The following REPS1 variants were observed in gnomAD, a reference collection of about 807,000 sequenced individuals.
REPS1 encodes RALBP1 associated Eps domain containing 1, also known as ralBP1-associated Eps domain-containing protein 1.
REPS1 carries 39 observed loss-of-function variants against 100.9 expected under a neutral mutation model. The ratio of observed to expected loss-of-function variants is 0.39; its 90% confidence interval spans 0.30 to 0.50. The LOEUF (loss-of-function observed/expected upper bound fraction) is 0.50. REPS1 is among the 20% of genes least tolerant of loss of function. The pLI, the probability that REPS1 is intolerant of heterozygous loss-of-function variation, is 0.86. For synonymous variants in REPS1, 324 were observed against 340.3 expected (o/e 0.95, Z 0.53); for missense variants, 821 against 968.5 (o/e 0.85, Z 2.02).
At chr6:138,942,792 TCACC>T (rs1259245021) in intron 7 of REPS1, among the ~76,000 whole-genome samples, 5 of 152,132 alleles carry the variant, frequency 3.3e-5, no homozygotes, top group African/African-American at 1.2e-4. Context: ...TCTCGTTCTG[TCACC>T]CTGGCTGGAG....
rs1779535110 is a variant in REPS1 at position 138,904,983 on chromosome 6, G to GCTT, written c.*80_*81insAAG. On this transcript the variant is annotated 3_prime_UTR_variant, in exon 20 of 20. Transcript: ENST00000450536. ...AATTTAATGTTGAGTTAAGCAGTGA[G>GCTT]CTGAATGTCTAGGTCTCCAAATTGG... The GCTT allele has an allele frequency of 1.9e-6, 2 of 1,074,290 alleles. No homozygotes were observed. The highest frequency in any genetic ancestry group is 2.9e-6 in the Non-Finnish European group (2 of 695,242). The allele number at this position is 1,074,290 out of a possible 1,614,324, so 66.5% of individuals were successfully genotyped here. A position where few individuals can be genotyped will look rare whatever the true frequency, so the allele number is the denominator to read the frequency against.
At chr6:138,911,246 AATT>A (rs1166249818) in intron 17 of REPS1, 27 bp downstream of exon 17, 3 of 1,411,264 alleles carry the variant, frequency 2.1e-6, no homozygotes, top group Non-Finnish European at 2.0e-6. Flanking sequence ...TGATGTACAA[AATT>A]ATTATTATAA....
At chr6:138,941,562 A>G (rs1582787107) in intron 7 of REPS1, 73 bp from the exon 8 acceptor site, 2 of 1,425,554 alleles carry the variant, frequency 1.4e-6, no homozygotes, top group Non-Finnish European at 9.7e-7. Context: ...AAGAAGCAAG[A>G]GAAATATTTT....
chr6:138,963,480 C>T (rs1453828353), intron 1 of REPS1, among the ~76,000 whole-genome samples: 2 of 152,160 alleles, frequency 1.3e-5, no homozygotes, highest in African/African-American at 4.8e-5. Flanking sequence ...TGCCCATACC[C>T]TCCTGATTTA....
At chr6:138,947,124 G>T (rs930791396) in intron 2 of REPS1, among the ~76,000 whole-genome samples, 1 of 150,210 alleles carries the variant, frequency 6.7e-6, no homozygotes, top group Non-Finnish European at 1.5e-5. Context: ...GTTCTGCCAC[G>T]ATTGTAGGTT....
At chr6:138,912,126 A>G (rs1780051913) in intron 16 of REPS1, among the ~76,000 whole-genome samples, 1 of 152,204 alleles carries the variant, frequency 6.6e-6, no homozygotes, top group Non-Finnish European at 1.5e-5. Context: ...ATGACCTATA[A>G]GAAAGAGATT....
chr6:138,944,688 T>A, intron 4 of REPS1, 66 bp from the exon 5 acceptor site: 1 of 1,482,870 alleles, frequency 6.7e-7, no homozygotes, highest in Non-Finnish European at 9.2e-7. Flanking sequence ...GAAGTTTTCT[T>A]TCCAACTCTT....
At chr6:138,933,006 T>A (rs958328786) in intron 8 of REPS1, among the ~76,000 whole-genome samples, 43 of 152,210 alleles carry the variant, frequency 2.8e-4, no homozygotes, top group African/African-American at 9.6e-4. Flanking sequence ...GATGTCAACA[T>A]CTGAAAGATC....
chr6:138,976,156 C>G (rs988099523), intron 1 of REPS1, among the ~76,000 whole-genome samples: 5 of 152,142 alleles, frequency 3.3e-5, no homozygotes, highest in Non-Finnish European at 7.3e-5. Context: ...TATGATCCTT[C>G]CAGTCACAAA....
intron 1 of REPS1, among the ~76,000 whole-genome samples, chr6:138,956,275 T>C (rs1783382844): frequency 6.6e-6 from 1 of 151,988 alleles, no homozygotes. Context: ...GAAAACAGAA[T>C]AGTGACTAAT....
intron 1 of REPS1, among the ~76,000 whole-genome samples, chr6:138,982,954 G>A (rs988780116): frequency 3.4e-4 from 51 of 152,072 alleles, no homozygotes; most frequent in Non-Finnish European, 2.6e-4. Context: ...TACTTACTAC[G>A]CAAAGGAGTA....
intron 1 of REPS1, among the ~76,000 whole-genome samples, chr6:138,960,171 C>T (rs1210785741): frequency 6.6e-6 from 1 of 152,172 alleles, no homozygotes; most frequent in African/African-American, 2.4e-5. Flanking sequence ...TAGAAACAAA[C>T]CCCCTTTTGG....
At chr6:138,914,810 G>A in intron 14 of REPS1, 49 bp from the exon 15 acceptor site, 1 of 1,440,742 alleles carries the variant, frequency 6.9e-7, no homozygotes, top group South Asian at 1.2e-5. Context: ...TAATCACTTT[G>A]TTAATAGAAG....
intron 1 of REPS1, chr6:138,951,188 C>CA (rs1309238377): frequency 1.0e-3 from 149 of 143,278 alleles, no homozygotes; most frequent in South Asian, 9.4e-3. Context: ...AACTCCATCT[C>CA]AAAAAAAAAA....
intron 15 of REPS1, among the ~76,000 whole-genome samples, chr6:138,913,318 AT>A (rs575204789): frequency 4.0e-5 from 6 of 151,108 alleles, no homozygotes; most frequent in African/African-American, 9.7e-5. Context: ...TAAATAAGTT[AT>A]TTTTTTTTAA....
At chr6:138,930,156 C>T (rs1054765927) in intron 8 of REPS1, 58 bp from the exon 9 acceptor site, 3 of 1,434,602 alleles carry the variant, frequency 2.1e-6, no homozygotes, top group East Asian at 2.4e-5. Context: ...TTATTTTAGG[C>T]ATATTTACTT....
intron 1 of REPS1, among the ~76,000 whole-genome samples, chr6:138,982,452 G>T (rs764561603): frequency 8.5e-5 from 13 of 152,224 alleles, no homozygotes; most frequent in Non-Finnish European, 1.9e-4. Flanking sequence ...TTCAAAGTCT[G>T]TATGAAGTTT....
chr6:138,905,079 T>C lies in REPS1; in HGVS notation c.2376A>G (p.Pro792=). The C allele has an allele frequency of 3.7e-6, 6 of 1,613,942 alleles. No homozygotes were observed. Among genetic ancestry groups the C allele is most frequent in the Non-Finnish European group, 5.1e-6 (6 of 1,179,870 alleles). Residue 792 remains proline, a synonymous_variant, in exon 20 of 20, where the codon CCA becomes CCG. Transcript: ENST00000450536. ...GGCAATTGGCTTATAGGTGAGAGAA[T>C]GGTCGAAGTTGTTCCAGTTGAACTT... ...SLEVQLEQLR[P]FSHL is the part of the protein sequence containing the mutation.
intron 1 of REPS1, among the ~76,000 whole-genome samples, chr6:138,955,271 G>A (rs1582818985): frequency 6.6e-6 from 1 of 151,922 alleles, no homozygotes; most frequent in Admixed American, 6.6e-5. Flanking sequence ...GCAACATGGT[G>A]AGACCCTGTC....
Sources: gnomAD v4.1 joint callset for allele counts (sites outside exome capture counted in the v4.1 genomes callset) on GRCh38, gnomAD v4.1.1 for gene constraint, MANE v1.5 for transcripts, NCBI Gene and HGNC (gene_info 2026-07-23, HGNC 2026-07-21) for gene names.